RABL3: variants seen among roughly 807,000 people sequenced by gnomAD.
The protein encoded by RABL3 is RAB, member of RAS oncogene family like 3.
In RABL3, 31 loss-of-function variants were observed where a neutral mutation model predicts 31.8. The observed-to-expected ratio is 0.97, with a 90% CI of 0.73 to 1.31. The LOEUF (loss-of-function observed/expected upper bound fraction) is 1.31. Among genes scored for constraint, RABL3 ranks in the 40% most tolerant of loss-of-function variants. The pLI is 0.00. For synonymous variants in RABL3, 97 were observed against 99.9 expected (o/e 0.97, Z 0.18); for missense variants, 263 against 279.6 (o/e 0.94, Z 0.42).
At chr3:120,717,301 A>C (rs997937642) in intron 2 of RABL3, among the ~76,000 whole-genome samples, 1 of 151,730 alleles carries the variant, frequency 6.6e-6, no homozygotes, top group Non-Finnish European at 1.5e-5. Flanking sequence ...AAAACAAGAC[A>C]GAAGTCAACT....
At chr3:120,697,607 T>C (rs1173358714) in intron 5 of RABL3, among the ~76,000 whole-genome samples, 1 of 152,190 alleles carries the variant, frequency 6.6e-6, no homozygotes, top group African/African-American at 2.4e-5. Context: ...CTTAGCTTTT[T>C]TACGCGCTCA....
chr3:120,734,499 T>C (rs1029078631), intron 1 of RABL3, among the ~76,000 whole-genome samples: 1 of 152,190 alleles, frequency 6.6e-6, no homozygotes, highest in Non-Finnish European at 1.5e-5. Context: ...ACAGAGACAA[T>C]TTGACTTCCT....
chr3:120,732,675 T>C (rs1349732313), intron 1 of RABL3, among the ~76,000 whole-genome samples: 2 of 152,028 alleles, frequency 1.3e-5, no homozygotes, highest in Non-Finnish European at 2.9e-5. Flanking sequence ...TAACTCGTCA[T>C]TTACACTAGG....
intron 2 of RABL3, among the ~76,000 whole-genome samples, chr3:120,726,008 G>A (rs982024939): frequency 6.6e-6 from 1 of 151,872 alleles, no homozygotes; most frequent in Admixed American, 6.6e-5. Context: ...TATGGAGGCG[G>A]GGGTCTCACC....
rs1708342993 is a variant in RABL3, at chr3:120,688,668, A to G, written c.*1155T>C. ...GACCTGCAGCAGAGCCAGAGAGAGA[A>G]TACGGGTGATAGAGTGTTGAATAAA... On this transcript the variant is annotated 3_prime_UTR_variant, in exon 8 of 8. Transcript: ENST00000273375. The G allele has an allele frequency of 1.3e-5, 2 of 152,210 alleles. No individual in the cohort carries two copies. Among genetic ancestry groups the G allele is most frequent in the South Asian group, 4.1e-4 (2 of 4,824 alleles). 9.4% of individuals were successfully genotyped at this position (152,210 alleles called of 1,614,324 possible).
intron 1 of RABL3, among the ~76,000 whole-genome samples, chr3:120,737,164 A>G (rs1708978120): frequency 6.6e-6 from 1 of 152,198 alleles, no homozygotes; most frequent in African/African-American, 2.4e-5. Context: ...AGGTACACCA[A>G]TCAGACATAG....
At chr3:120,742,299 C>T (rs1175888138) in intron 1 of RABL3, among the ~76,000 whole-genome samples, 163 bp downstream of exon 1, 3 of 152,094 alleles carry the variant, frequency 2.0e-5, no homozygotes, top group Non-Finnish European at 4.4e-5. Flanking sequence ...GCCACCGCGT[C>T]GTCACACGGA....
Position 120,689,369 on chromosome 3 carries a change from G to A in RABL3, c.*454C>T, listed in dbSNP as rs955787678. On this transcript the variant is annotated 3_prime_UTR_variant, in exon 8 of 8. Transcript: ENST00000273375. ...TTGAAAATGACAGAGATTGTTTGGGGTAGACAACTCAGGGCTGGTTAACAA... is the reference window on the plus strand; with the variant it reads ...TTGAAAATGACAGAGATTGTTTGGGATAGACAACTCAGGGCTGGTTAACAA... The A allele has an allele frequency of 4.6e-5, 7 of 152,424 alleles. No homozygotes were observed. Among genetic ancestry groups the A allele is most frequent in the African/African-American group, 1.7e-4 (7 of 41,430 alleles). The allele number at this position is 152,424 out of a possible 1,614,324, so 9.4% of individuals were successfully genotyped here. A position where few individuals can be genotyped will look rare whatever the true frequency, so the allele number is the denominator to read the frequency against.
At chr3:120,733,428 T>G (rs1708913126) in intron 1 of RABL3, among the ~76,000 whole-genome samples, 1 of 152,066 alleles carries the variant, frequency 6.6e-6, no homozygotes, top group Admixed American at 6.6e-5. Flanking sequence ...CTTGTAAATT[T>G]GTTGGAGTTC....
In RABL3 at chr3:120,690,506, T is replaced by C. The variant is rs761130560; in HGVS notation, c.607-19A>G. The C allele has an allele frequency of 1.3e-6, 2 of 1,598,458 alleles. No individual in the cohort carries two copies. Among genetic ancestry groups the C allele is most frequent in the Admixed American group, 1.7e-5 (1 of 59,714 alleles). ...CTATGACCTGTGAAAAACAAAGATT[T>C]TAAAGGCTTAGCACACATACCTGCA... On this transcript the variant is annotated intron_variant, in intron 6 of 7. Transcript: ENST00000273375.
At chr3:120,694,091 A>C (rs1421419990) in intron 6 of RABL3, 62 bp downstream of exon 6, 13 of 1,116,578 alleles carry the variant, frequency 1.2e-5, no homozygotes, top group Non-Finnish European at 1.7e-5. Context: ...ATTCTACAAA[A>C]AAATTTTAAA....
intron 2 of RABL3, among the ~76,000 whole-genome samples, chr3:120,721,467 A>G (rs1341022244): frequency 6.6e-6 from 1 of 152,214 alleles, no homozygotes; most frequent in Admixed American, 6.5e-5. Flanking sequence ...GGCTCAAAAT[A>G]AAGGGATGGA....
intron 2 of RABL3, among the ~76,000 whole-genome samples, chr3:120,725,314 T>G (rs1357204844): frequency 1.7e-4 from 26 of 152,194 alleles, no homozygotes; most frequent in Admixed American, 1.7e-3. Context: ...CTGGAGAGGA[T>G]GTGGAGAAAT....
chr3:120,728,773 T>C (rs1358556448), intron 2 of RABL3, among the ~76,000 whole-genome samples: 1 of 151,984 alleles, frequency 6.6e-6, no homozygotes, highest in Non-Finnish European at 1.5e-5. Flanking sequence ...ATAGAAATGC[T>C]ATAAAAATAT....
In RABL3 at chr3:120,687,650, T is replaced by G. The variant is rs113238208; in HGVS notation, c.*2173A>C. 6.6e-6 allele frequency: 1 copy of G among 152,160 alleles called. No homozygotes were observed. The highest frequency in any genetic ancestry group is 1.5e-5 in the Non-Finnish European group (1 of 68,024). The allele number at this position is 152,160 out of a possible 1,614,324, so 9.4% of individuals were successfully genotyped here. A position where few individuals can be genotyped will look rare whatever the true frequency, so the allele number is the denominator to read the frequency against. On this transcript the variant is annotated 3_prime_UTR_variant, in exon 8 of 8. Transcript: ENST00000273375. ...AAATTTACCTTAGATTATTAAAAAC[T>G]ATTTTTTCTTAGAAAACTATAATTC...
In RABL3 at chr3:120,723,284, T is replaced by C. The variant is rs376339698; in HGVS notation, c.138+7412A>G. Among the ~76,000 whole-genome samples, 10 of 152,198 alleles carry C rather than the reference T, an allele frequency of 6.6e-5. No individual in the cohort carries two copies. The South Asian group carries it at 1.9e-3, about 28-fold the overall frequency. On this transcript the variant is annotated intron_variant, in intron 2 of 7. Transcript: ENST00000273375. ...ACCTCTGAATAGACCAATAACAGGC[T>C]AGGAAATTGGGGCAACAATTAATAG...
intron 2 of RABL3, among the ~76,000 whole-genome samples, chr3:120,712,942 G>C (rs1421287548): frequency 6.6e-6 from 1 of 152,038 alleles, no homozygotes; most frequent in East Asian, 1.9e-4. Context: ...AAACTTCTGG[G>C]ATGGGGCTCA....
intron 2 of RABL3, among the ~76,000 whole-genome samples, chr3:120,727,037 TTAGA>T (rs1271268272): frequency 2.6e-5 from 4 of 152,210 alleles, no homozygotes; most frequent in Middle Eastern, 3.4e-3. Context: ...AACGCTGTGC[TTAGA>T]TAGAAATTTT....
chr3:120,698,531 C>CAGTG lies in RABL3; in HGVS notation c.422_425dup (p.Leu143ThrfsTer7), dbSNP rs761284390. The CAGTG allele has an allele frequency of 5.0e-6, 8 of 1,613,140 alleles. No individual in the cohort carries two copies. The highest frequency in any genetic ancestry group is 6.8e-6 in the Non-Finnish European group (8 of 1,179,216). ...GGTCCAGTTTAGTCCCTATTACCAA[C>CAGTG]AGTGGTATTTGGTTATCAGCAAACT... On this transcript the variant is annotated frameshift_variant, in exon 5 of 8. Transcript: ENST00000273375. LOFTEE classifies it high-confidence loss of function.
Sources: allele counts gnomAD v4.1 joint callset (sites outside exome capture counted in the v4.1 genomes callset), GRCh38; gene constraint gnomAD v4.1.1; transcripts MANE v1.5; gene names NCBI Gene and HGNC (gene_info 2026-07-23, HGNC 2026-07-21).